The following NEK11 variants were observed in gnomAD, a reference collection of about 807,000 sequenced individuals.
NEK11 encodes the protein NIMA related kinase 11.
Under a neutral mutation model 80.7 loss-of-function variants are expected in NEK11, and 72 were observed. The observed-to-expected ratio is 0.89, with a 90% CI of 0.74 to 1.08. NEK11 has a LOEUF of 1.08. Ranked by LOEUF, NEK11 falls within the 50% of genes least tolerant of loss-of-function variation. The pLI, the probability that NEK11 is intolerant of heterozygous loss-of-function variation, is 0.00. For missense variants in NEK11, 764 were observed against 763.6 expected (o/e 1.00, Z -0.01); for synonymous variants, 251 against 260.7 (o/e 0.96, Z 0.36).
intron 16 of NEK11, among the ~76,000 whole-genome samples, chr3:131,261,848 C>G (rs1216952111): frequency 6.6e-6 from 1 of 151,782 alleles, no homozygotes; most frequent in Admixed American, 6.6e-5. Context: ...TGATTTAACT[C>G]CCACCTATTG....
chr3:131,204,468 C>T (rs1388910508), intron 14 of NEK11, among the ~76,000 whole-genome samples: 2 of 151,948 alleles, frequency 1.3e-5, no homozygotes, highest in Admixed American at 1.3e-4. Flanking sequence ...GAGCTCTCAA[C>T]CTGTGAGATC....
intron 14 of NEK11, among the ~76,000 whole-genome samples, chr3:131,185,424 A>G (rs549112957): frequency 6.6e-6 from 1 of 152,272 alleles, no homozygotes; most frequent in South Asian, 2.1e-4. Flanking sequence ...TGGAGCTCTG[A>G]GACAGCCTCA....
intron 16 of NEK11, among the ~76,000 whole-genome samples, chr3:131,265,393 A>G (rs572612990): frequency 1.4e-4 from 22 of 152,350 alleles, no homozygotes; most frequent in Non-Finnish European, 2.4e-4. Flanking sequence ...TGTTCCATCA[A>G]AACTTAGTTT....
chr3:131,267,525 C>T (rs1465297323), intron 16 of NEK11, among the ~76,000 whole-genome samples: 1 of 152,216 alleles, frequency 6.6e-6, no homozygotes, highest in South Asian at 2.1e-4. Context: ...CCCCCACTCT[C>T]TTCTGGCTTG....
chr3:131,253,541 C>T (rs2095748650), intron 16 of NEK11, among the ~76,000 whole-genome samples: 1 of 152,110 alleles, frequency 6.6e-6, no homozygotes. Context: ...ATTTCCTTTC[C>T]TCTTCTTCCT....
chr3:131,268,355 G>A (rs1420915930), intron 16 of NEK11, among the ~76,000 whole-genome samples: 1 of 152,130 alleles, frequency 6.6e-6, no homozygotes, highest in Non-Finnish European at 1.5e-5. Context: ...GAGGCATTCT[G>A]ATTTTTGAAA....
At chr3:131,057,532 C>A (rs1220278851) in intron 3 of NEK11, among the ~76,000 whole-genome samples, 1 of 151,896 alleles carries the variant, frequency 6.6e-6, no homozygotes, top group Non-Finnish European at 1.5e-5. Flanking sequence ...TATTTCTCCA[C>A]ATCCTCTCCA....
chr3:131,096,281 G>A (rs1049800593), intron 4 of NEK11, among the ~76,000 whole-genome samples: 7 of 151,828 alleles, frequency 4.6e-5, no homozygotes, highest in African/African-American at 1.7e-4. Context: ...GTGATATTTG[G>A]TTTTCTGTTC....
intron 17 of NEK11, among the ~76,000 whole-genome samples, chr3:131,284,554 C>T (rs974738911): frequency 1.3e-5 from 2 of 152,162 alleles, no homozygotes; most frequent in Non-Finnish European, 2.9e-5. Flanking sequence ...CAAATCCAGT[C>T]AAGGGTGTGT....
At chr3:131,303,872 C>T (rs1287812154) in intron 17 of NEK11, among the ~76,000 whole-genome samples, 3 of 152,174 alleles carry the variant, frequency 2.0e-5, no homozygotes, top group East Asian at 3.9e-4. Flanking sequence ...GTTCTCTGCA[C>T]TTCCTGATTT....
At chr3:131,114,665 C>T (rs1008556021) in intron 5 of NEK11, among the ~76,000 whole-genome samples, 3 of 152,172 alleles carry the variant, frequency 2.0e-5, no homozygotes, top group Non-Finnish European at 2.9e-5. Flanking sequence ...ATGCCTCTTC[C>T]TCCCAAAGGG....
chr3:131,167,593 CT>C (rs1427623458), intron 12 of NEK11, among the ~76,000 whole-genome samples: 1 of 152,078 alleles, frequency 6.6e-6, no homozygotes, highest in Non-Finnish European at 1.5e-5. Flanking sequence ...AATCAAGGTC[CT>C]TTGGGGGCCC....
chr3:131,305,530 C>G (rs2096714180), intron 17 of NEK11, among the ~76,000 whole-genome samples: 1 of 152,124 alleles, frequency 6.6e-6, no homozygotes, highest in East Asian at 1.9e-4. Flanking sequence ...GTTAAAGTCT[C>G]CTAAAGGAGC....
At chr3:131,168,346 T>A (rs1321479450) in intron 12 of NEK11, among the ~76,000 whole-genome samples, 8 of 151,408 alleles carry the variant, frequency 5.3e-5, no homozygotes, top group African/African-American at 1.7e-4. Flanking sequence ...TCTTTTTTTT[T>A]TTTTATTTTT....
chr3:131,216,964 A>T (rs1277664639), intron 14 of NEK11, among the ~76,000 whole-genome samples: 1 of 152,136 alleles, frequency 6.6e-6, no homozygotes, highest in African/African-American at 2.4e-5. Context: ...GGCCCATGGT[A>T]TCATAAAAGG....
chr3:131,066,524 AG>A (rs2071988195), intron 3 of NEK11, among the ~76,000 whole-genome samples: 1 of 152,064 alleles, frequency 6.6e-6, no homozygotes, highest in African/African-American at 2.4e-5. Context: ...TGAGATAGTT[AG>A]ATGCCCGGGA....
At position 131,029,619 on chromosome 3, in the gene NEK11, A is replaced by T. The variant is rs2064483057; in HGVS notation, c.-90A>T. 1.6e-6 allele frequency: 2 copies of T among 1,286,542 alleles called. No homozygotes were observed. Among genetic ancestry groups the T allele is most frequent in the East Asian group, 4.6e-5 (2 of 43,038 alleles). The allele number at this position is 1,286,542 out of a possible 1,614,324, so 79.7% of individuals were successfully genotyped here. On this transcript the variant is annotated 5_prime_UTR_variant, in exon 3 of 18. Transcript: ENST00000383366. The stretch of plus-strand genomic sequence containing the variant: ...TTAACTTTTCATCTTTAAGGAACTG[A>T]CCAACACTGGATGAATTTGACCATT...
intron 17 of NEK11, among the ~76,000 whole-genome samples, chr3:131,332,033 G>C (rs2097096410): frequency 1.3e-5 from 2 of 152,234 alleles, no homozygotes; most frequent in African/African-American, 4.8e-5. Context: ...ACCTCTGGGG[G>C]CAGGGCACAG....
intron 7 of NEK11, among the ~76,000 whole-genome samples, chr3:131,150,441 G>A (rs1043253526): frequency 3.3e-5 from 5 of 151,676 alleles, no homozygotes; most frequent in Admixed American, 6.6e-5. Flanking sequence ...ATGCACACAC[G>A]CACACATTAT....
Sources: allele counts gnomAD v4.1 joint callset (sites outside exome capture counted in the v4.1 genomes callset), GRCh38; gene constraint gnomAD v4.1.1; transcripts MANE v1.5; gene names NCBI Gene and HGNC (gene_info 2026-07-23, HGNC 2026-07-21).